IMMP2L: variants seen among roughly 807,000 people sequenced by gnomAD.
IMMP2L encodes inner mitochondrial membrane peptidase subunit 2.
Under a neutral mutation model 19.3 loss-of-function variants are expected in IMMP2L, and 18 were observed. The ratio of observed to expected loss-of-function variants is 0.93; its 90% CI spans 0.64 to 1.38. The LOEUF is 1.38. IMMP2L is among the 40% of genes most tolerant of loss of function. The pLI, the probability that IMMP2L is intolerant of heterozygous loss-of-function variation, is 0.00. For synonymous variants in IMMP2L, 76 were observed against 73.0 expected, an observed-to-expected ratio of 1.04 and a Z score of -0.21; for missense variants, 233 against 218.2, an observed-to-expected ratio of 1.07 and a Z score of -0.43.
intron 1 of IMMP2L, among the ~76,000 whole-genome samples, chr7:111,552,875 T>C (rs1281527081): frequency 6.6e-6 from 1 of 152,136 alleles, no homozygotes; most frequent in African/African-American, 2.4e-5. Flanking sequence ...AGCTTGAATC[T>C]CGGGAAAGTC....
intron 5 of IMMP2L, among the ~76,000 whole-genome samples, chr7:110,676,505 C>T (rs570807656): frequency 7.8e-4 from 119 of 152,252 alleles, no homozygotes; most frequent in South Asian, 5.0e-3. Flanking sequence ...TAAATTAGCA[C>T]GGTGTTTTGA....
At chr7:111,481,098 G>A (rs980268467) in intron 3 of IMMP2L, among the ~76,000 whole-genome samples, 2 of 152,126 alleles carry the variant, frequency 1.3e-5, no homozygotes, top group African/African-American at 4.8e-5. Context: ...AAGTGGTAAT[G>A]AGTTTAGCAT....
intron 3 of IMMP2L, among the ~76,000 whole-genome samples, chr7:111,105,137 T>C (rs895718239): frequency 4.0e-5 from 6 of 151,852 alleles, no homozygotes; most frequent in Non-Finnish European, 7.4e-5. Context: ...ACTGTAAATA[T>C]GTGTTTTCAA....
In IMMP2L at chr7:111,420,586, G is replaced by A. The variant is rs527851604; in HGVS notation, c.239+66652C>T. 3.7e-3 allele frequency among the ~76,000 whole-genome samples: 468 copies of A among 125,490 alleles called. 8 individuals are homozygous for A. The highest frequency in any genetic ancestry group is 0.014 in the African/African-American group (447 of 31,072). The allele number at this position is 125,490 out of a possible 152,430, so 82.3% of individuals were successfully genotyped here. ...CCCACCCCCCGATAGTCCCCCGTGT[G>A]TGATGTTCCCCGCCCTGTGTCCAGG... is the stretch of plus-strand genomic sequence containing the variant. On this transcript the variant is annotated intron_variant, in intron 3 of 5. Transcript: ENST00000405709.
rs1316744376 is a variant in IMMP2L, at chr7:110,877,929, G to T, written c.408+8664C>A. On this transcript the variant is annotated intron_variant, in intron 5 of 5. Coordinates refer to ENST00000405709, the MANE Select transcript of IMMP2L (RefSeq NM_032549.4). This position sits in a 1 kb window ranked among gnomAD's most constrained non-coding sequence, Gnocchi z 4.0. ...AAAAATAAAAAACAAAAAACAAAAAGCACAATGGATTGATTCCAAATGCCA... is the reference window on the plus strand; with the variant it reads ...AAAAATAAAAAACAAAAAACAAAAATCACAATGGATTGATTCCAAATGCCA... Among the ~76,000 whole-genome samples, 2 of 152,006 alleles carry T rather than the reference G, an allele frequency of 1.3e-5. No homozygotes were observed. The highest frequency in any genetic ancestry group is 1.9e-4 in the East Asian group (1 of 5,180).
At chr7:111,384,677 C>A (rs1831562626) in intron 3 of IMMP2L, among the ~76,000 whole-genome samples, 1 of 152,070 alleles carries the variant, frequency 6.6e-6, no homozygotes, top group African/African-American at 2.4e-5. Context: ...TCTTAAGCAG[C>A]AAGCAAAAAA....
At chr7:111,439,105 C>T (rs1048379169) in intron 3 of IMMP2L, among the ~76,000 whole-genome samples, 1 of 151,850 alleles carries the variant, frequency 6.6e-6, no homozygotes, top group Non-Finnish European at 1.5e-5. Context: ...TACTACAAAT[C>T]ATTCTGTCTT....
intron 3 of IMMP2L, among the ~76,000 whole-genome samples, chr7:111,058,462 G>GAC (rs373348885): frequency 9.9e-5 from 15 of 152,238 alleles, no homozygotes; most frequent in African/African-American, 3.4e-4. Flanking sequence ...GTGTTTGTAG[G>GAC]ACACAGTCTA....
At chr7:111,271,109 TAGTG>T (rs1409860604) in intron 3 of IMMP2L, among the ~76,000 whole-genome samples, 2 of 152,066 alleles carry the variant, frequency 1.3e-5, no homozygotes, top group Non-Finnish European at 2.9e-5. Flanking sequence ...GTTCTTATGA[TAGTG>T]AGTGAGTTCT....
At chr7:110,718,276 G>A (rs1795353772) in intron 5 of IMMP2L, among the ~76,000 whole-genome samples, 1 of 152,194 alleles carries the variant, frequency 6.6e-6, no homozygotes, top group Admixed American at 6.5e-5. Flanking sequence ...TTCTCAATAT[G>A]TAGCAATGCT....
chr7:111,090,248 C>G (rs1321694697), intron 3 of IMMP2L, among the ~76,000 whole-genome samples: 1 of 152,068 alleles, frequency 6.6e-6, no homozygotes, highest in Non-Finnish European at 1.5e-5. Flanking sequence ...AAATGTTTTA[C>G]ATGTATGGCT....
At chr7:111,333,762 G>A (rs868254363) in intron 3 of IMMP2L, among the ~76,000 whole-genome samples, 23 of 152,028 alleles carry the variant, frequency 1.5e-4, no homozygotes, top group South Asian at 2.1e-4. Context: ...TCTTTCTCCC[G>A]TGCTGGGTCC....
At chr7:111,169,167 C>A (rs1295450405) in intron 3 of IMMP2L, among the ~76,000 whole-genome samples, 1 of 151,846 alleles carries the variant, frequency 6.6e-6, no homozygotes, top group Non-Finnish European at 1.5e-5. Context: ...TTTATAGGAG[C>A]ATTGTGACCT....
At chr7:111,363,539 C>G (rs1222311853) in intron 3 of IMMP2L, among the ~76,000 whole-genome samples, 2 of 152,148 alleles carry the variant, frequency 1.3e-5, no homozygotes, top group East Asian at 3.9e-4. Context: ...TTCCTAAGAC[C>G]GTTAAGGCTT....
At chr7:111,047,909 C>T (rs902265013) in intron 3 of IMMP2L, among the ~76,000 whole-genome samples, 7 of 151,890 alleles carry the variant, frequency 4.6e-5, no homozygotes, top group Middle Eastern at 6.8e-3. Context: ...TGCCTGCCAT[C>T]CCCCCAAAAA....
At chr7:111,392,817 A>G (rs1454518091) in intron 3 of IMMP2L, 2 of 456,498 alleles carry the variant, frequency 4.4e-6, no homozygotes, top group Non-Finnish European at 8.8e-6. Flanking sequence ...CTGGTGCATT[A>G]AAAGTACCAC....
intron 5 of IMMP2L, among the ~76,000 whole-genome samples, chr7:110,706,913 T>A (rs1422738818): frequency 1.3e-5 from 2 of 151,994 alleles, no homozygotes; most frequent in South Asian, 4.2e-4. Context: ...TCATAAATTC[T>A]TTCCCAAGGT....
At chr7:111,036,993 C>T (rs1791420652) in intron 3 of IMMP2L, among the ~76,000 whole-genome samples, 1 of 152,082 alleles carries the variant, frequency 6.6e-6, no homozygotes, top group Non-Finnish European at 1.5e-5. Context: ...AATGAAATGT[C>T]AAGGACCAAT....
At chr7:110,906,977 A>G (rs1812524161) in intron 4 of IMMP2L, among the ~76,000 whole-genome samples, 2 of 151,146 alleles carry the variant, frequency 1.3e-5, no homozygotes, top group Admixed American at 1.3e-4. Context: ...CAGGTACAGG[A>G]GCTGGGGTGA....
Sources: gnomAD v4.1 joint callset for allele counts (sites outside exome capture counted in the v4.1 genomes callset) on GRCh38, gnomAD v4.1.1 for gene constraint, Gnocchi (gnomAD v3.1) non-coding constraint, MANE v1.5 for transcripts, NCBI Gene and HGNC (gene_info 2026-07-23, HGNC 2026-07-21) for gene names.